The following CABLES1 variants were observed in gnomAD, a reference collection of about 807,000 sequenced individuals.
CABLES1 encodes the protein CDK5 and ABL1 enzyme substrate 1.
CABLES1 carries 36 observed loss-of-function variants against 57.8 expected under a neutral mutation model. That is an observed-to-expected ratio of 0.62 (90% CI 0.48 to 0.82). The LOEUF (loss-of-function observed/expected upper bound fraction) is 0.82. CABLES1 is among the 40% of genes least tolerant of loss of function. CABLES1 has a pLI of 0.00. For synonymous variants in CABLES1, 374 were observed against 363.0 expected (o/e 1.03, Z -0.35); for missense variants, 767 against 836.6 (o/e 0.92, Z 1.03).
At chr18:23,207,283 T>C (rs80283693) in intron 3 of CABLES1, among the ~76,000 whole-genome samples, 2 of 152,192 alleles carry the variant, frequency 1.3e-5, no homozygotes, top group East Asian at 3.8e-4. Flanking sequence ...CAAAGCGTTG[T>C]ACAGAGGGGA....
chr18:23,246,826 G>C lies in CABLES1; in HGVS notation c.1447-6134G>C, dbSNP rs1401831091. 2.0e-5 allele frequency among the ~76,000 whole-genome samples: 3 copies of C among 151,868 alleles called. 1 individual carries two copies. The highest frequency in any genetic ancestry group is 4.9e-5 in the African/African-American group (2 of 41,184). ...TCCTGCCTTAGCCTCCCAAGTAGCT[G>C]AGGCTATAGGCATGCACCACCACGC... On this transcript the variant is annotated intron_variant, in intron 7 of 9. Transcript: ENST00000256925.
At chr18:23,161,345 A>G (rs1199382705) in intron 1 of CABLES1, among the ~76,000 whole-genome samples, 1 of 152,048 alleles carries the variant, frequency 6.6e-6, no homozygotes, top group African/African-American at 2.4e-5. Flanking sequence ...TGTTCCAGAA[A>G]GAGTGTATCT....
intron 9 of CABLES1, among the ~76,000 whole-genome samples, chr18:23,256,357 T>C (rs535098494): frequency 2.2e-4 from 34 of 152,340 alleles, no homozygotes; most frequent in Middle Eastern, 6.8e-3. Flanking sequence ...TGTAGCACTG[T>C]GAAAGTGGAG....
At chr18:23,170,385 T>C (rs1286126276) in intron 1 of CABLES1, among the ~76,000 whole-genome samples, 4 of 152,030 alleles carry the variant, frequency 2.6e-5, no homozygotes, top group Admixed American at 2.6e-4. Flanking sequence ...CAGAACAGAG[T>C]CCCCTTCCAT....
chr18:23,196,032 C>T (rs558931762), intron 3 of CABLES1, among the ~76,000 whole-genome samples: 49 of 152,248 alleles, frequency 3.2e-4, no homozygotes, highest in Non-Finnish European at 5.1e-4. Context: ...CTAGCTGGCA[C>T]GGCACAAAGT....
chr18:23,163,765 G>A (rs1056268826), intron 1 of CABLES1, among the ~76,000 whole-genome samples: 1 of 152,146 alleles, frequency 6.6e-6, no homozygotes, highest in Admixed American at 6.5e-5. Flanking sequence ...AGAGGTTTAT[G>A]GTTATTTAGT....
intron 4 of CABLES1, among the ~76,000 whole-genome samples, chr18:23,222,896 C>T (rs1026802074): frequency 3.9e-5 from 6 of 152,212 alleles, no homozygotes; most frequent in South Asian, 2.1e-4. Context: ...CAAAAGAGGG[C>T]GTCGAGCTGC....
intron 2 of CABLES1, chr18:23,190,170 G>A (rs1174272682): frequency 6.6e-6 from 1 of 152,256 alleles, no homozygotes; most frequent in Non-Finnish European, 1.5e-5. Context: ...AAAGTCAAAT[G>A]AGGGAGCTGG....
rs535625232 is a variant in CABLES1, at chr18:23,182,033, G to A, written c.846-6805G>A. ...AGTGGCCCAGCGTGCAGCCAGGAAG[G>A]GGGGTACACCCATGGGGAACACTAG... On this transcript the variant is annotated intron_variant, in intron 1 of 9. Coordinates refer to ENST00000256925, the MANE Select transcript of CABLES1 (RefSeq NM_001100619.3). Among the ~76,000 whole-genome samples the A allele has an allele frequency of 2.0e-5, 3 of 152,304 alleles. No individual in the cohort carries two copies. The East Asian group carries it at 5.8e-4, about 29-fold the overall frequency.
chr18:23,173,617 A>G (rs979100675), intron 1 of CABLES1, among the ~76,000 whole-genome samples: 1 of 152,244 alleles, frequency 6.6e-6, no homozygotes, highest in South Asian at 2.1e-4. Context: ...TATATATCAT[A>G]TAAATATTTT....
chr18:23,176,887 C>T (rs1489067560), intron 1 of CABLES1, among the ~76,000 whole-genome samples: 2 of 152,128 alleles, frequency 1.3e-5, no homozygotes, highest in African/African-American at 4.8e-5. Flanking sequence ...GAGCGTTTTA[C>T]TGGCGTCCTC....
At chr18:23,251,407 C>T (rs1050627008) in intron 7 of CABLES1, among the ~76,000 whole-genome samples, 4 of 152,036 alleles carry the variant, frequency 2.6e-5, no homozygotes, top group South Asian at 2.1e-4. Context: ...GCCGAGATTG[C>T]GCCACTGTAC....
Position 23,214,172 on chromosome 18 carries a change from C to G in CABLES1, c.1088+118C>G, listed in dbSNP as rs1598833605. ...TTGCCTTGCTTTGATACTGCAAATTCAGTATTTGTACACTGGAATGATAAA... is the reference window on the plus strand; with the variant it reads ...TTGCCTTGCTTTGATACTGCAAATTGAGTATTTGTACACTGGAATGATAAA... On this transcript the variant is annotated intron_variant, in intron 4 of 9. Coordinates refer to ENST00000256925, the MANE Select transcript of CABLES1 (RefSeq NM_001100619.3). The G allele has an allele frequency of 8.9e-6, 6 of 670,540 alleles. No homozygotes were observed. In the East Asian group the frequency reaches 1.6e-4, roughly 18 times the overall value. 41.5% of individuals were successfully genotyped at this position (670,540 alleles called of 1,614,324 possible).
intron 3 of CABLES1, among the ~76,000 whole-genome samples, chr18:23,210,371 C>T (rs747430107): frequency 6.6e-6 from 1 of 152,104 alleles, no homozygotes; most frequent in Non-Finnish European, 1.5e-5. Context: ...AGAGAACCGC[C>T]GTGGTTGGAG....
At chr18:23,218,361 C>T (rs1463182194) in intron 4 of CABLES1, among the ~76,000 whole-genome samples, 2 of 82,258 alleles carry the variant, frequency 2.4e-5, no homozygotes, top group Non-Finnish European at 4.8e-5. Flanking sequence ...CCCGCATCCT[C>T]ACTTGCCCTG....
rs2046814350 is a variant in CABLES1, at chr18:23,135,814, G to A, written c.52G>A (p.Ala18Thr). ...ATTAACSSGSAGTDAAGASGL... is the reference protein window; with the variant it reads ...ATTAACSSGSTGTDAAGASGL... ...CACGGCCGCCTGCAGCAGCGGCAGC[G>A]CCGGCACCGACGCCGCGGGCGCCAG... is the stretch of plus-strand genomic sequence containing the variant. The change falls in exon 1 of 10, where the codon GCC becomes ACC. Residue 18 changes from alanine (A) to threonine (T), a missense_variant. By Grantham distance (58) the Ala-to-Thr change is moderately conservative. Around this residue, in one of 4 missense-constraint regions of CABLES1, gnomAD observed 198 missense variants for 149.7 expected, o/e 1.32. Coordinates refer to ENST00000256925, the MANE Select transcript of CABLES1 (RefSeq NM_001100619.3). The A allele has an allele frequency of 7.2e-6, 7 of 967,982 alleles. No individual in the cohort carries two copies. The highest frequency in any genetic ancestry group is 8.6e-6 in the Non-Finnish European group (7 of 814,674). The allele number at this position is 967,982 out of a possible 1,614,324, so 60.0% of individuals were successfully genotyped here.
intron 1 of CABLES1, among the ~76,000 whole-genome samples, chr18:23,169,775 C>G (rs1206896658): frequency 6.6e-6 from 1 of 152,186 alleles, no homozygotes; most frequent in Non-Finnish European, 1.5e-5. Context: ...GAGACCTCAT[C>G]AGAATTTGAA....
rs2046836315 is a variant in CABLES1, at chr18:23,138,364, A to C, written c.845+1757A>C. On this transcript the variant is annotated intron_variant, in intron 1 of 9. Coordinates refer to ENST00000256925, the MANE Select transcript of CABLES1 (RefSeq NM_001100619.3). The stretch of plus-strand genomic sequence containing the variant: ...TTTTATTGATCCTTTTCACCTCGGC[A>C]CACACATTAAGATGAATTAATCACT... 2.0e-5 allele frequency among the ~76,000 whole-genome samples: 3 copies of C among 152,200 alleles called. No individual in the cohort carries two copies. In the South Asian group the frequency reaches 6.2e-4, roughly 32 times the overall value.
chr18:23,210,696 C>T (rs1441435812), intron 3 of CABLES1, among the ~76,000 whole-genome samples: 14 of 152,180 alleles, frequency 9.2e-5, no homozygotes, highest in Non-Finnish European at 1.9e-4. Context: ...CTGCTACTTG[C>T]CTGCTGTGGT....
Sources: gnomAD v4.1 joint callset for allele counts (sites outside exome capture counted in the v4.1 genomes callset) on GRCh38, gnomAD v4.1.1 for gene constraint, gnomAD v4.1.1 regional missense constraint, MANE v1.5 for transcripts, NCBI Gene and HGNC (gene_info 2026-07-23, HGNC 2026-07-21) for gene names.